Variants in YDJC observed in about 807,000 individuals in gnomAD.
The protein encoded by YDJC is YdjC chitooligosaccharide deacetylase homolog, also known as carbohydrate deacetylase.
Under a neutral mutation model 18.9 loss-of-function variants are expected in YDJC, and 23 were observed. The ratio of observed to expected loss-of-function variants is 1.22; its 90% confidence interval spans 0.87 to 1.72. The LOEUF is 1.72. Among genes scored for constraint, YDJC ranks in the 40% most tolerant of loss-of-function variants. The pLI is 0.00. For missense variants in YDJC, 467 were observed against 470.8 expected, an observed-to-expected ratio of 0.99 and a Z score of 0.07; for synonymous variants, 224 against 217.6, an observed-to-expected ratio of 1.03 and a Z score of -0.26.
chr22:21,628,305 CA>C lies in YDJC; in HGVS notation c.*112del. 7.1e-7 allele frequency: 1 copy of C among 1,398,956 alleles called. No homozygotes were observed. The highest frequency in any genetic ancestry group is 9.5e-7 in the Non-Finnish European group (1 of 1,054,814). The allele number at this position is 1,398,956 out of a possible 1,614,324, so 86.7% of individuals were successfully genotyped here. ...AGCCCAGAGGTGGCAGTGTCCTACC[CA>C]GGGAAGTCAACAGATCGTGCTCCAG... On this transcript the variant is annotated 3_prime_UTR_variant, in exon 5 of 5. Transcript: ENST00000292778.
chr22:21,628,090 T>G lies in YDJC; in HGVS notation c.*328A>C. 4.4e-6 allele frequency: 1 copy of G among 226,102 alleles called. No homozygotes were observed. The allele number at this position is 226,102 out of a possible 1,614,324, so 14.0% of individuals were successfully genotyped here. A position where few individuals can be genotyped will look rare whatever the true frequency, so the allele number is the denominator to read the frequency against. On this transcript the variant is annotated 3_prime_UTR_variant, in exon 5 of 5. Transcript: ENST00000292778. Reference sequence around the variant, plus strand: ...GGCACAGCTGATAAACCACCCAAGTTTGAAAGACACACGTTATTTTATTAA... The same window carrying G: ...GGCACAGCTGATAAACCACCCAAGTGTGAAAGACACACGTTATTTTATTAA...
In YDJC at chr22:21,628,281, GC is replaced by G; in HGVS notation, c.*136del. On this transcript the variant is annotated 3_prime_UTR_variant, in exon 5 of 5. Transcript: ENST00000292778. ...GCCATTTGGAGGCATGAGGACCTGAGCCCAGAGGTGGCAGTGTCCTACCCAG... is the reference window on the plus strand; with the variant it reads ...GCCATTTGGAGGCATGAGGACCTGAGCCAGAGGTGGCAGTGTCCTACCCAG... The G allele has an allele frequency of 8.1e-7, 1 of 1,237,524 alleles. No homozygotes were observed. The highest frequency in any genetic ancestry group is 1.1e-6 in the Non-Finnish European group (1 of 927,014). 76.7% of individuals were successfully genotyped at this position (1,237,524 alleles called of 1,614,324 possible). A position where few individuals can be genotyped will look rare whatever the true frequency, so the allele number is the denominator to read the frequency against.
In YDJC at chr22:21,628,382, T is replaced by C. The variant is rs1296002866; in HGVS notation, c.*36A>G. ...CTAAATCCTGGCTCCCCTTTCTTGG[T>C]ACTAAGGGGATTAGTGCTTGGTTGT... On this transcript the variant is annotated 3_prime_UTR_variant, in exon 5 of 5. Coordinates refer to ENST00000292778, the MANE Select transcript of YDJC (RefSeq NM_001017964.2). The C allele has an allele frequency of 1.3e-6, 2 of 1,511,352 alleles. No homozygotes were observed. The highest frequency in any genetic ancestry group is 8.9e-7 in the Non-Finnish European group (1 of 1,127,318). 93.6% of individuals were successfully genotyped at this position (1,511,352 alleles called of 1,614,324 possible). A position where few individuals can be genotyped will look rare whatever the true frequency, so the allele number is the denominator to read the frequency against.
At chr22:21,628,846 A>G in intron 4 of YDJC, 59 bp from the exon 5 acceptor site, 1 of 1,091,104 alleles carries the variant, frequency 9.2e-7, no homozygotes, top group Non-Finnish European at 1.2e-6. Context: ...AGGGCTAGGT[A>G]GGCTAGGGAA....
At position 21,628,915 on chromosome 22, in the gene YDJC, C is replaced by A. The variant is rs550540060; in HGVS notation, c.602+95G>T. 8.4e-6 allele frequency: 12 copies of A among 1,427,884 alleles called. No individual in the cohort carries two copies. In the Admixed American group the frequency reaches 8.6e-5, roughly 10 times the overall value. 88.5% of individuals were successfully genotyped at this position (1,427,884 alleles called of 1,614,324 possible). A position where few individuals can be genotyped will look rare whatever the true frequency, so the allele number is the denominator to read the frequency against. On this transcript the variant is annotated intron_variant, in intron 4 of 4. Coordinates refer to ENST00000292778, the MANE Select transcript of YDJC (RefSeq NM_001017964.2). Reference sequence around the variant, plus strand: ...GCGGCAGCGGTCGACGCCAGACTCGCTTCCGGGTTGAGAAACGGACACAGC... The same window carrying A: ...GCGGCAGCGGTCGACGCCAGACTCGATTCCGGGTTGAGAAACGGACACAGC...
At position 21,629,456 on chromosome 22, in the gene YDJC, G is replaced by A. The variant is rs1930398234; in HGVS notation, c.325-49C>T. The stretch of plus-strand genomic sequence containing the variant: ...TTGAGCGACCGGGAGTAGCTGCCGA[G>A]GATACCCTCCTCGTGCTTCCGTGTG... On this transcript the variant is annotated intron_variant, in intron 2 of 4. Transcript: ENST00000292778. 3 of 1,536,778 alleles carry A rather than the reference G, an allele frequency of 2.0e-6. No individual in the cohort carries two copies. In the East Asian group the frequency reaches 7.3e-5, roughly 37 times the overall value.
In YDJC at chr22:21,630,016, G is replaced by A. The variant is rs1233172088; in HGVS notation, c.-2C>T. On this transcript the variant is annotated 5_prime_UTR_variant, in exon 1 of 5. Coordinates refer to ENST00000292778, the MANE Select transcript of YDJC (RefSeq NM_001017964.2). ...CAGGCGCATGCGAGGGCGGGACATG[G>A]CCGCCTGGGTCCACCGCTCGCGCTC... 9 of 1,591,630 alleles carry A rather than the reference G, an allele frequency of 5.7e-6. No individual in the cohort carries two copies. The highest frequency in any genetic ancestry group is 1.7e-5 in the Admixed American group (1 of 59,020).
intron 3 of YDJC, 50 bp from the exon 4 acceptor site, chr22:21,629,237 T>C (rs753540435): frequency 6.5e-7 from 1 of 1,549,008 alleles, no homozygotes; most frequent in Non-Finnish European, 8.7e-7. Flanking sequence ...CCTGGGGGCA[T>C]CGAACTTCCC....
At position 21,629,020 on chromosome 22, in the gene YDJC, G is replaced by A. The variant is rs755817554; in HGVS notation, c.592C>T (p.His198Tyr). ...GGCGGGGAGCCTCACCGCAGGCCGT[G>A]GCGGGAGAAGGGGCCCACGGCGGCC... ...ARAAVGPFSRHGLRWTDAFVG... is the reference protein window; with the variant it reads ...ARAAVGPFSRYGLRWTDAFVG... Residue 198 changes from histidine to tyrosine, a missense_variant, in exon 4 of 5, where the codon CAC (histidine) becomes TAC (tyrosine). His to Tyr is a moderately conservative substitution (Grantham distance 83). Transcript: ENST00000292778. 2.7e-4 allele frequency: 403 copies of A among 1,475,424 alleles called. No homozygotes were observed. The highest frequency in any genetic ancestry group is 3.4e-4 in the Non-Finnish European group (379 of 1,122,840). The allele number at this position is 1,475,424 out of a possible 1,614,324, so 91.4% of individuals were successfully genotyped here. A position where few individuals can be genotyped will look rare whatever the true frequency, so the allele number is the denominator to read the frequency against.
rs1270507694 is a variant in YDJC at position 21,628,695 on chromosome 22, G to A, written c.695C>T (p.Thr232Ile). The change falls in exon 5 of 5, where the codon ACC becomes ATC. Residue 232 changes from threonine to isoleucine, a missense_variant. Coordinates refer to ENST00000292778, the MANE Select transcript of YDJC (RefSeq NM_001017964.2). ...SGALARVLEG[T>I]LAGHTLTAEL... ...GGCTGTCAGGGTGTGGCCCGCTAGG[G>A]TACCTTCCAGGACCCGCGCCAGGGC... 4.5e-6 allele frequency: 7 copies of A among 1,549,676 alleles called. No homozygotes were observed. The highest frequency in any genetic ancestry group is 6.1e-6 in the Non-Finnish European group (7 of 1,150,514).
chr22:21,629,932 G>T lies in YDJC; in HGVS notation c.83C>A (p.Ala28Asp), dbSNP rs370326544. ...GCTGGTCACAGCCCCGGCCAGAAAG[G>T]CCTCCACGATACCCTCATCGCGTCG... ...CPRRDEGIVE[A>D]FLAGAVTSVS... The change falls in exon 1 of 5, where the codon GCC (alanine) becomes GAC (aspartate). Residue 28 changes from alanine to aspartate, a missense_variant. Ala to Asp is a moderately radical substitution (Grantham distance 126). Coordinates refer to ENST00000292778, the MANE Select transcript of YDJC (RefSeq NM_001017964.2). The T allele has an allele frequency of 3.8e-4, 604 of 1,604,818 alleles. No individual in the cohort carries two copies. The highest frequency in any genetic ancestry group is 5.0e-4 in the Non-Finnish European group (586 of 1,178,418).
At position 21,629,746 on chromosome 22, in the gene YDJC, C is replaced by T; in HGVS notation, c.180G>A (p.Thr60=). 2.0e-6 allele frequency: 3 copies of T among 1,524,130 alleles called. No homozygotes were observed. Among genetic ancestry groups the T allele is most frequent in the East Asian group, 2.5e-5 (1 of 40,692 alleles). 94.4% of individuals were successfully genotyped at this position (1,524,130 alleles called of 1,614,324 possible). The change falls in exon 2 of 5, where the codon ACG becomes ACA. Residue 60 remains threonine (T), a synonymous_variant. Transcript: ENST00000292778. ...AELARRHSIP[T]GLHANLSEGR... ...CCTCGGACAGGTTGGCGTGGAGGCC[C>T]GTGGGGATGCTGTGCCTGAGGGCGG...
In YDJC at chr22:21,628,813, G is replaced by A. The variant is rs939191688; in HGVS notation, c.603-26C>T. ...CTGTGGGGGGCGGGACATCAGAGGT[G>A]GGACCAGGCCGGGCCATGGCCAAGG... On this transcript the variant is annotated intron_variant, in intron 4 of 4. Transcript: ENST00000292778. The A allele has an allele frequency of 4.1e-6, 6 of 1,457,024 alleles. No homozygotes were observed. The African/African-American group carries it at 8.5e-5, about 21-fold the overall frequency. The allele number at this position is 1,457,024 out of a possible 1,614,324, so 90.3% of individuals were successfully genotyped here.
At position 21,629,117 on chromosome 22, in the gene YDJC, G is replaced by A. The variant is rs1351167065; in HGVS notation, c.495C>T (p.Arg165=). The A allele has an allele frequency of 1.3e-6, 2 of 1,538,034 alleles. No individual in the cohort carries two copies. The highest frequency in any genetic ancestry group is 2.4e-5 in the East Asian group (1 of 40,880). Residue 165 remains arginine (R), a synonymous_variant, in exon 4 of 5, where the codon CGC becomes CGT. Transcript: ENST00000292778. ...GVRFTRLPLE[R]GVGGCTWLEA... ...CCAGCCAAGTGCAGCCACCCACACC[G>A]CGCTCCAGCGGCAGTCGCGTAAAGC...
chr22:21,629,346 G>A lies in YDJC; in HGVS notation c.386C>T (p.Thr129Met), dbSNP rs1411135898. The change falls in exon 3 of 5, where the codon ACG (threonine) becomes ATG (methionine). Residue 129 changes from threonine to methionine, a missense_variant. Thr to Met is a moderately conservative substitution (Grantham distance 81). Transcript: ENST00000292778. ...CACGTGCTGGTGCCCGTCCGCGTGC[G>A]TGGGGGCCCTGCCCAGCAGCTCCCG... ...CFRELLGRAP[T>M]HADGHQHVHV... 1 of 1,550,352 alleles carries A rather than the reference G, an allele frequency of 6.5e-7. No individual in the cohort carries two copies. Among genetic ancestry groups the A allele is most frequent in the Non-Finnish European group, 8.7e-7 (1 of 1,146,928 alleles).
At chr22:21,628,849 C>G in intron 4 of YDJC, 62 bp from the exon 5 acceptor site, 1 of 1,186,256 alleles carries the variant, frequency 8.4e-7, no homozygotes, top group South Asian at 1.6e-5. Context: ...GCTAGGTAGG[C>G]TAGGGAAGGG....
Position 21,629,697 on chromosome 22 carries a change from G to C in YDJC, c.229C>G (p.Arg77Gly), listed in dbSNP as rs760631738. 2 of 1,598,002 alleles carry C rather than the reference G, an allele frequency of 1.3e-6. No individual in the cohort carries two copies. Among genetic ancestry groups the C allele is most frequent in the South Asian group, 2.2e-5 (2 of 89,416 alleles). ...SEGRPVGPAR[R>G]GASSLLGPEG... Reference sequence around the variant, plus strand: ...GGGCCGAGCAGCGATGAGGCGCCACGGCGGGCCGGACCCACGGGGCGGCCC... The same window carrying C: ...GGGCCGAGCAGCGATGAGGCGCCACCGCGGGCCGGACCCACGGGGCGGCCC... Residue 77 changes from arginine to glycine, a missense_variant, in exon 2 of 5, where the codon CGT becomes GGT. By Grantham distance (125) the Arg-to-Gly change is moderately radical (BLOSUM62 -2). Transcript: ENST00000292778.
chr22:21,628,888 T>TAAAGGGGGGG, intron 4 of YDJC, 101 bp from the exon 5 acceptor site: 1 of 611,800 alleles, frequency 1.6e-6, no homozygotes, highest in Non-Finnish European at 2.5e-6. Context: ...GTAACTGGGG[T>TAAAGGGGGGG]GGCGGCAGCG....
rs1369390861 is a variant in YDJC at position 21,629,757 on chromosome 22, T to C, written c.169A>G (p.Ser57Gly). 3.3e-6 allele frequency: 5 copies of C among 1,499,226 alleles called. No homozygotes were observed. The highest frequency in any genetic ancestry group is 4.4e-6 in the Non-Finnish European group (5 of 1,127,070). 92.9% of individuals were successfully genotyped at this position (1,499,226 alleles called of 1,614,324 possible). The change falls in exon 2 of 5, where the codon AGC becomes GGC. Residue 57 changes from serine (S) to glycine (G), a missense_variant. By Grantham distance (56) the Ser-to-Gly change is moderately conservative. Coordinates refer to ENST00000292778, the MANE Select transcript of YDJC (RefSeq NM_001017964.2). ...ESAAELARRH[S>G]IPTGLHANLS... ...TTGGCGTGGAGGCCCGTGGGGATGCTGTGCCTGAGGGCGGAGCGCGAGCTG... is the reference window on the plus strand; with the variant it reads ...TTGGCGTGGAGGCCCGTGGGGATGCCGTGCCTGAGGGCGGAGCGCGAGCTG...
Sources: allele counts gnomAD v4.1 joint callset, GRCh38; gene constraint gnomAD v4.1.1; transcripts MANE v1.5; gene names NCBI Gene and HGNC (gene_info 2026-07-23, HGNC 2026-07-21).